Variants in KLHL15 observed in about 807,000 individuals in gnomAD.
The protein encoded by KLHL15 is kelch like family member 15, also known as kelch-like protein 15.
KLHL15 carries 1 observed loss-of-function variant against 29.3 expected under a neutral mutation model. That is an observed-to-expected ratio of 0.03 (90% CI 0.01 to 0.16). KLHL15 has a LOEUF of 0.16. KLHL15 is among the 10% of genes least tolerant of loss of function. The pLI is 1.00. For synonymous variants in KLHL15, 212 were observed against 184.5 expected (o/e 1.15, Z -1.21); for missense variants, 215 against 478.5 (o/e 0.45, Z 5.14).
chrX:23,992,366 A>G (rs1011041801), intron 3 of KLHL15, among the ~76,000 whole-genome samples: 5 of 112,372 alleles, frequency 4.4e-5, no homozygotes, highest in African/African-American at 9.7e-5. Context: ...CACATTTGCA[A>G]AAGTGTCACT....
chrX:24,006,496 T>C lies in KLHL15; in HGVS notation c.198A>G (p.Glu66=), dbSNP rs112589180. ...TTAAATGAATTTTGTCCTGATCTCG[T>C]TCCCTCATGTCTGCAGTAAACATAA... is the stretch of plus-strand genomic sequence containing the variant. ...FRIMFTADMR[E]RDQDKIHLKG... Residue 66 remains glutamate (E), a synonymous_variant, in exon 3 of 4, where the codon GAA becomes GAG. Transcript: ENST00000328046. 1.6e-4 allele frequency: 190 copies of C among 1,209,465 alleles called. No individual in the cohort carries two copies. The highest frequency in any genetic ancestry group is 2.3e-4 in the Middle Eastern group (1 of 4,375).
chrX:24,022,641 A>G (rs1158341602), intron 2 of KLHL15, among the ~76,000 whole-genome samples: 1 of 105,351 alleles, frequency 9.5e-6, no homozygotes. Flanking sequence ...TCTTGTCTTA[A>G]AAAAAAAAAA....
At chrX:24,021,614 C>T (rs764774544) in intron 2 of KLHL15, among the ~76,000 whole-genome samples, 104 of 112,215 alleles carry the variant, frequency 9.3e-4, no homozygotes, top group Non-Finnish European at 1.4e-3. Context: ...GTTGGAAAGA[C>T]AGATAAATTT....
intron 3 of KLHL15, among the ~76,000 whole-genome samples, chrX:23,998,430 GTAT>G (rs1435153301): frequency 1.8e-5 from 2 of 109,528 alleles, no homozygotes; most frequent in African/African-American, 6.7e-5. Flanking sequence ...CTAATTTTTT[GTAT>G]TTTTTAGTAG....
rs1351096157 is a variant in KLHL15, at chrX:24,006,404, C to T, written c.290G>A (p.Ser97Asn). The change falls in exon 3 of 4, where the codon AGT becomes AAT. Residue 97 changes from serine to asparagine, a missense_variant. By Grantham distance (46) the Ser-to-Asn change is conservative. Transcript: ENST00000328046. Reference sequence around the variant, plus strand: ...AAGAATCTCATGAACGGTATTCATACTCAGCTCTATAGTTCCATAGTACAT... The same window carrying T: ...AAGAATCTCATGAACGGTATTCATATTCAGCTCTATAGTTCCATAGTACAT... Reference protein sequence around the residue: ...QFMYYGTIELSMNTVHEILQA... With the variant: ...QFMYYGTIELNMNTVHEILQA... 1.7e-6 allele frequency: 2 copies of T among 1,210,160 alleles called. No individual in the cohort carries two copies. The highest frequency in any genetic ancestry group is 2.2e-6 in the Non-Finnish European group (2 of 895,214).
At chrX:23,999,696 T>TCTAA (rs201811228) in intron 3 of KLHL15, among the ~76,000 whole-genome samples, 1 of 110,708 alleles carries the variant, frequency 9.0e-6, no homozygotes, top group Non-Finnish European at 1.9e-5. Context: ...CAAGATACTA[T>TCTAA]CTTTCCTTCC....
chrX:23,998,351 G>A (rs1445597316), intron 3 of KLHL15, among the ~76,000 whole-genome samples: 2 of 110,394 alleles, frequency 1.8e-5, no homozygotes, highest in Non-Finnish European at 3.8e-5. Context: ...CCACCTCCTG[G>A]GTTCATGCCA....
In KLHL15 at chrX:24,013,980, T is replaced by C. The variant is rs771513259; in HGVS notation, c.-7-7280A>G. ...GATCATTCTGCCTTGTCAAGCTGTA[T>C]TGGTCTGCAGGGAGCAGTGGCTTGT... is the stretch of plus-strand genomic sequence containing the variant. On this transcript the variant is annotated intron_variant, in intron 2 of 3. Coordinates refer to ENST00000328046, the MANE Select transcript of KLHL15 (RefSeq NM_030624.3). Among the ~76,000 whole-genome samples, 5 of 110,972 alleles carry C rather than the reference T, an allele frequency of 4.5e-5. No homozygotes were observed. In the East Asian group the frequency reaches 8.5e-4, roughly 19 times the overall value.
Position 24,014,559 on chromosome X carries a change from G to A in KLHL15, c.-7-7859C>T, listed in dbSNP as rs938806870. ...AAAAAACACAACAATTAAGGTTCCA[G>A]ATACTTACTATGATGGAAATATTAT... On this transcript the variant is annotated intron_variant, in intron 2 of 3. Coordinates refer to ENST00000328046, the MANE Select transcript of KLHL15 (RefSeq NM_030624.3). 5.4e-5 allele frequency among the ~76,000 whole-genome samples: 6 copies of A among 111,355 alleles called. No homozygotes were observed. The East Asian group carries it at 1.7e-3, about 31-fold the overall frequency.
chrX:23,995,768 T>A (rs1267533084), intron 3 of KLHL15, among the ~76,000 whole-genome samples: 3 of 104,944 alleles, frequency 2.9e-5, no homozygotes, highest in South Asian at 4.1e-4. Flanking sequence ...AAAAAAAAAA[T>A]TGAGACGGAT....
At chrX:24,022,108 G>C (rs912687269) in intron 2 of KLHL15, among the ~76,000 whole-genome samples, 1 of 110,442 alleles carries the variant, frequency 9.1e-6, no homozygotes, top group South Asian at 3.8e-4. Flanking sequence ...GGAGACCGAG[G>C]CGGGCGGATC....
chrX:23,987,690 A>C lies in KLHL15; in HGVS notation c.*231T>G. 4 of 345,325 alleles carry C rather than the reference A, an allele frequency of 1.2e-5. No homozygotes were observed. Among genetic ancestry groups the C allele is most frequent in the Non-Finnish European group, 2.0e-5 (4 of 200,344 alleles). The allele number at this position is 345,325 out of a possible 1,213,427, so 28.5% of individuals were successfully genotyped here. A position where few individuals can be genotyped will look rare whatever the true frequency, so the allele number is the denominator to read the frequency against. ...CCCAGATAAGTGGAGCATTCTATTC[A>C]ACTGCTTCTGGAAGTAGTTTCAAGA... On this transcript the variant is annotated 3_prime_UTR_variant, in exon 4 of 4. Coordinates refer to ENST00000328046, the MANE Select transcript of KLHL15 (RefSeq NM_030624.3).
chrX:24,010,174 T>C, intron 2 of KLHL15, among the ~76,000 whole-genome samples: 2 of 111,028 alleles, frequency 1.8e-5, no homozygotes, highest in Middle Eastern at 4.6e-3. Context: ...CTGTTCCTGA[T>C]CCAAAACTGG....
At chrX:23,991,954 T>A (rs1038251653) in intron 3 of KLHL15, among the ~76,000 whole-genome samples, 3 of 112,520 alleles carry the variant, frequency 2.7e-5, no homozygotes, top group Non-Finnish European at 5.6e-5. Context: ...TCTCATCTTT[T>A]TCTTATTGAG....
intron 3 of KLHL15, among the ~76,000 whole-genome samples, chrX:23,997,375 C>A (rs755743104): frequency 1.8e-5 from 2 of 110,454 alleles, no homozygotes; most frequent in African/African-American, 6.6e-5. Context: ...GGATTCAAGG[C>A]AGCAGTGAGC....
At chrX:24,007,502 AAAAAAAATATAT>A (rs1241558615) in intron 2 of KLHL15, among the ~76,000 whole-genome samples, 8 of 55,334 alleles carry the variant, frequency 1.4e-4, no homozygotes, top group African/African-American at 7.1e-4. Flanking sequence ...AAAAAAAAAA[AAAAAAAATATAT>A]ATATATATAT....
At position 24,006,176 on chromosome X, in the gene KLHL15, G is replaced by A. The variant is rs752578893; in HGVS notation, c.518C>T (p.Ser173Phe). The A allele has an allele frequency of 4.1e-6, 5 of 1,211,723 alleles. No homozygotes were observed. Among genetic ancestry groups the A allele is most frequent in the Non-Finnish European group, 5.6e-6 (5 of 895,489 alleles). ...CATGAGCTTCTCAAAGCTCAGATAG[G>A]ACAGAAAGTCAGGCCTAGACATGAG... ...VPLMSRPDFL[S>F]YLSFEKLMSY... is the part of the protein sequence containing the mutation. Residue 173 changes from serine (S) to phenylalanine (F), a missense_variant, in exon 3 of 4, where the codon TCC (serine) becomes TTC (phenylalanine). Transcript: ENST00000328046.
chrX:24,017,776 T>G (rs1929718447), intron 2 of KLHL15, among the ~76,000 whole-genome samples: 1 of 53,494 alleles, frequency 1.9e-5, no homozygotes, highest in Non-Finnish European at 3.0e-5. Context: ...TGAGACCATG[T>G]CCCAAAAAAA....
At chrX:23,996,708 T>A (rs989300866) in intron 3 of KLHL15, among the ~76,000 whole-genome samples, 1 of 112,027 alleles carries the variant, frequency 8.9e-6, no homozygotes, top group Admixed American at 9.5e-5. Flanking sequence ...CTACATTTGA[T>A]ATAATTTTGA....
Sources: allele counts gnomAD v4.1 joint callset (sites outside exome capture counted in the v4.1 genomes callset), GRCh38; gene constraint gnomAD v4.1.1; transcripts MANE v1.5; gene names NCBI Gene and HGNC (gene_info 2026-07-23, HGNC 2026-07-21).